The following RBFOX1 variants were observed in gnomAD, a reference collection of about 807,000 sequenced individuals.
The protein encoded by RBFOX1 is RNA binding protein fox-1 homolog 1.
A neutral mutation model predicts 57.7 loss-of-function variants in RBFOX1; 8 were observed. The observed-to-expected ratio is 0.14, with a 90% CI of 0.08 to 0.25. The LOEUF (loss-of-function observed/expected upper bound fraction) is 0.25. Among genes scored for constraint, RBFOX1 ranks in the 10% least tolerant of loss-of-function variants. The pLI, the probability that RBFOX1 is intolerant of heterozygous loss-of-function variation, is 1.00. For synonymous variants in RBFOX1, 326 were observed against 222.4 expected (o/e 1.47, Z -4.15); for missense variants, 611 against 548.5 (o/e 1.11, Z -1.14).
At chr16:7,293,073 A>C (rs983694781) in intron 4 of RBFOX1, among the ~76,000 whole-genome samples, 3 of 152,154 alleles carry the variant, frequency 2.0e-5, no homozygotes, top group African/African-American at 7.2e-5. Context: ...AGAATAGCCA[A>C]ATGTCATTTT....
intron 3 of RBFOX1, among the ~76,000 whole-genome samples, chr16:6,707,924 A>G (rs2063056120): frequency 6.6e-6 from 1 of 152,116 alleles, no homozygotes; most frequent in African/African-American, 2.4e-5. Context: ...AGATTCAGGG[A>G]ATGGAGTTGA....
intron 3 of RBFOX1, among the ~76,000 whole-genome samples, chr16:6,999,581 CT>C (rs2092609296): frequency 6.6e-6 from 1 of 151,970 alleles, no homozygotes; most frequent in Non-Finnish European, 1.5e-5. Context: ...CCCTCATATG[CT>C]TTACAGCAGA....
chr16:7,514,112 A>C (rs1330032631), intron 4 of RBFOX1, among the ~76,000 whole-genome samples: 1 of 152,014 alleles, frequency 6.6e-6, no homozygotes, highest in African/African-American at 2.4e-5. Context: ...CATTTTCCAC[A>C]AAGGACCAGA....
intron 4 of RBFOX1, among the ~76,000 whole-genome samples, chr16:7,292,023 T>G (rs1488552558): frequency 1.5e-5 from 2 of 134,726 alleles, no homozygotes; most frequent in African/African-American, 6.2e-5. Flanking sequence ...ATTGTATATA[T>G]TATATTATAC....
intron 3 of RBFOX1, among the ~76,000 whole-genome samples, chr16:6,815,279 C>A (rs1392278866): frequency 6.6e-6 from 1 of 152,150 alleles, no homozygotes; most frequent in Non-Finnish European, 1.5e-5. Context: ...TGGCCGACTT[C>A]TTTGCCACTT....
intron 4 of RBFOX1, among the ~76,000 whole-genome samples, chr16:7,071,644 T>C (rs568596724): frequency 6.6e-6 from 1 of 151,368 alleles, no homozygotes; most frequent in African/African-American, 2.4e-5. Context: ...ACCTGGGTAA[T>C]TTATACATAC....
chr16:7,601,026 T>C (rs1053943779), intron 9 of RBFOX1, among the ~76,000 whole-genome samples: 1 of 152,188 alleles, frequency 6.6e-6, no homozygotes, highest in East Asian at 1.9e-4. Context: ...GGATCAAATG[T>C]TGGATCTGCA....
At chr16:5,842,453 G>C (rs1441425171) in intron 3 of RBFOX1, among the ~76,000 whole-genome samples, 1 of 152,142 alleles carries the variant, frequency 6.6e-6, no homozygotes, top group Non-Finnish European at 1.5e-5. Context: ...TTCATTTGTA[G>C]GCAAGCATGT....
At chr16:5,801,255 T>C (rs1255808584) in intron 3 of RBFOX1, among the ~76,000 whole-genome samples, 1 of 152,034 alleles carries the variant, frequency 6.6e-6, no homozygotes, top group Non-Finnish European at 1.5e-5. Flanking sequence ...GAAATAAAAT[T>C]AGGCTGATCT....
At chr16:6,555,420 C>G (rs2097080353) in intron 2 of RBFOX1, among the ~76,000 whole-genome samples, 1 of 152,162 alleles carries the variant, frequency 6.6e-6, no homozygotes, top group South Asian at 2.1e-4. Flanking sequence ...ACCATTCCAG[C>G]TGGGCACGGT....
intron 3 of RBFOX1, among the ~76,000 whole-genome samples, chr16:6,953,065 G>A (rs973872542): frequency 5.3e-5 from 8 of 152,078 alleles, no homozygotes; most frequent in Non-Finnish European, 1.0e-4. Context: ...ATTGCAGGTG[G>A]CGAAACCAAG....
intron 4 of RBFOX1, among the ~76,000 whole-genome samples, chr16:7,254,306 C>T (rs569306666): frequency 2.0e-5 from 3 of 152,192 alleles, no homozygotes; most frequent in East Asian, 1.9e-4. Context: ...GCCTTTAGCC[C>T]TTTTCTTGGA....
chr16:6,668,623 A>T (rs1043381736), intron 3 of RBFOX1, among the ~76,000 whole-genome samples: 2 of 152,212 alleles, frequency 1.3e-5, no homozygotes, highest in South Asian at 2.1e-4. Context: ...TATGGTAGCA[A>T]TTCACATGAT....
At chr16:5,368,097 G>A (rs140531369) in intron 1 of RBFOX1, among the ~76,000 whole-genome samples, 207 of 152,324 alleles carry the variant, frequency 1.4e-3, no homozygotes, top group African/African-American at 4.9e-3. Flanking sequence ...CAGCCCATTA[G>A]ATTTGTCATA....
intron 1 of RBFOX1, among the ~76,000 whole-genome samples, chr16:6,188,616 C>T (rs937644565): frequency 1.3e-5 from 2 of 151,988 alleles, no homozygotes; most frequent in Non-Finnish European, 2.9e-5. Flanking sequence ...CCTTGTTTCC[C>T]AGCTACCAGA....
intron 4 of RBFOX1, among the ~76,000 whole-genome samples, chr16:7,379,129 C>T (rs1400582097): frequency 6.6e-6 from 1 of 152,148 alleles, no homozygotes; most frequent in Non-Finnish European, 1.5e-5. Context: ...CCAATGTCAT[C>T]ACTTGTTGTT....
chr16:6,503,958 C>A (rs1174426036), intron 2 of RBFOX1, among the ~76,000 whole-genome samples: 1 of 152,198 alleles, frequency 6.6e-6, no homozygotes, highest in South Asian at 2.1e-4. Flanking sequence ...ATCTTTGGCA[C>A]TTGAATTCAA....
chr16:7,226,361 A>T (rs976801648), intron 4 of RBFOX1, among the ~76,000 whole-genome samples: 11 of 152,292 alleles, frequency 7.2e-5, no homozygotes, highest in Admixed American at 7.2e-4. Flanking sequence ...TGCCCACCTG[A>T]AGAGGGAAGG....
chr16:7,422,381 G>C (rs2098551378), intron 4 of RBFOX1, among the ~76,000 whole-genome samples: 1 of 152,202 alleles, frequency 6.6e-6, no homozygotes, highest in Non-Finnish European at 1.5e-5. Flanking sequence ...CAAGCAATCG[G>C]AGGTAATAAT....
Sources: gnomAD v4.1 joint callset for allele counts (sites outside exome capture counted in the v4.1 genomes callset) on GRCh38, gnomAD v4.1.1 for gene constraint, MANE v1.5 for transcripts, NCBI Gene and HGNC (gene_info 2026-07-23, HGNC 2026-07-21) for gene names.